CSGALNACT1: variants seen among roughly 807,000 people sequenced by gnomAD.
CSGALNACT1 encodes the protein chondroitin sulfate N-acetylgalactosaminyltransferase 1.
Under a neutral mutation model 51.0 loss-of-function variants are expected in CSGALNACT1, and 52 were observed. The ratio of observed to expected loss-of-function variants is 1.02; its 90% CI spans 0.82 to 1.29. The LOEUF is 1.29. Ranked by LOEUF, CSGALNACT1 falls within the 50% of genes most tolerant of loss-of-function variation. The pLI is 0.00. For missense variants in CSGALNACT1, 935 were observed against 679.2 expected, an observed-to-expected ratio of 1.38 and a Z score of -4.19; for synonymous variants, 341 against 254.4, an observed-to-expected ratio of 1.34 and a Z score of -3.24.
intron 3 of CSGALNACT1, among the ~76,000 whole-genome samples, chr8:19,512,672 C>T (rs759571069): frequency 1.8e-4 from 27 of 152,096 alleles, no homozygotes; most frequent in Admixed American, 7.9e-4. Flanking sequence ...AGAAGTTATG[C>T]GACTTGTCTA....
chr8:19,428,959 T>C (rs1045066107), intron 6 of CSGALNACT1, among the ~76,000 whole-genome samples: 33 of 152,062 alleles, frequency 2.2e-4, no homozygotes, highest in African/African-American at 7.7e-4. Context: ...TAAATCAGTG[T>C]CATTTAGTAC....
chr8:19,476,462 G>C (rs2069674293), intron 4 of CSGALNACT1, among the ~76,000 whole-genome samples: 1 of 152,100 alleles, frequency 6.6e-6, no homozygotes. Flanking sequence ...AGCTGGTCTG[G>C]AACTCCTGAC....
At chr8:19,747,690 A>C (rs751801019) in intron 1 of CSGALNACT1, among the ~76,000 whole-genome samples, 17 of 152,280 alleles carry the variant, frequency 1.1e-4, no homozygotes, top group Non-Finnish European at 2.4e-4. Flanking sequence ...CATTTGATTA[A>C]ATTCCTACTT....
chr8:19,556,377 C>A (rs1420137721), intron 3 of CSGALNACT1, among the ~76,000 whole-genome samples: 1 of 130,442 alleles, frequency 7.7e-6, no homozygotes, highest in Non-Finnish European at 1.6e-5. Flanking sequence ...AACTCCATCT[C>A]TCAAAAGAAA....
intron 4 of CSGALNACT1, among the ~76,000 whole-genome samples, chr8:19,489,742 A>G (rs2073939964): frequency 6.6e-6 from 1 of 152,178 alleles, no homozygotes; most frequent in South Asian, 2.1e-4. Flanking sequence ...TGTCTTCACG[A>G]TGACATCTTT....
intron 1 of CSGALNACT1, among the ~76,000 whole-genome samples, chr8:19,649,612 C>T (rs952228495): frequency 6.6e-6 from 1 of 151,782 alleles, no homozygotes; most frequent in African/African-American, 2.4e-5. Context: ...ACAGAATTCA[C>T]AGTTACGAAT....
rs528746956 is a variant in CSGALNACT1 at position 19,424,741 on chromosome 8, C to A, written c.954-4223G>T. Among the ~76,000 whole-genome samples, 4 of 152,332 alleles carry A rather than the reference C, an allele frequency of 2.6e-5. 1 individual carries two copies. The East Asian group carries it at 5.8e-4, about 22-fold the overall frequency. ...CTAGACTAGAGTGCCCCCTGCTCAA[C>A]AGTGGATTGAAAGGCAGCAGAACCA... On this transcript the variant is annotated intron_variant, in intron 6 of 9. Coordinates refer to ENST00000454498, the Ensembl canonical transcript of CSGALNACT1.
intron 1 of CSGALNACT1, among the ~76,000 whole-genome samples, chr8:19,667,036 G>GAA (rs1564386834): frequency 1.8e-4 from 5 of 28,488 alleles, no homozygotes; most frequent in African/African-American, 8.3e-4. Context: ...AGGAAGGAAG[G>GAA]AAGGAAGAAA....
At chr8:19,661,781 C>G (rs2058757953) in intron 1 of CSGALNACT1, among the ~76,000 whole-genome samples, 2 of 152,188 alleles carry the variant, frequency 1.3e-5, no homozygotes, top group South Asian at 4.1e-4. Context: ...AAGCTGCTTA[C>G]AGATGTGCCA....
At chr8:19,511,373 G>A (rs549270613) in intron 3 of CSGALNACT1, among the ~76,000 whole-genome samples, 36 of 152,292 alleles carry the variant, frequency 2.4e-4, no homozygotes, top group South Asian at 4.2e-4. Context: ...TTGACAGCAA[G>A]GGCACAAACT....
At chr8:19,472,452 T>C (rs77442565) in intron 4 of CSGALNACT1, among the ~76,000 whole-genome samples, 19,695 of 152,286 alleles carry the variant, frequency 0.13, 1,347 homozygotes, top group Middle Eastern at 0.21. Context: ...TCACTCTGAC[T>C]CACGTCCATT....
At chr8:19,737,413 T>A (rs1348788747) in intron 1 of CSGALNACT1, among the ~76,000 whole-genome samples, 1 of 152,074 alleles carries the variant, frequency 6.6e-6, no homozygotes, top group Non-Finnish European at 1.5e-5. Flanking sequence ...AAGGCAAAAA[T>A]ACTAAACAGG....
chr8:19,526,458 C>T (rs889967234), intron 3 of CSGALNACT1, among the ~76,000 whole-genome samples: 1 of 152,128 alleles, frequency 6.6e-6, no homozygotes, highest in Non-Finnish European at 1.5e-5. Flanking sequence ...TGGTACGCGC[C>T]TGTAGTGCCA....
At chr8:19,645,567 AG>A (rs1296204864) in intron 1 of CSGALNACT1, among the ~76,000 whole-genome samples, 1 of 152,216 alleles carries the variant, frequency 6.6e-6, no homozygotes, top group Non-Finnish European at 1.5e-5. Context: ...GGAACCTCGA[AG>A]GGTGGGCGTA....
At chr8:19,663,881 G>T (rs541103206) in intron 1 of CSGALNACT1, among the ~76,000 whole-genome samples, 62 of 152,194 alleles carry the variant, frequency 4.1e-4, no homozygotes, top group Non-Finnish European at 7.3e-4. Context: ...GTCCCAACAT[G>T]ACCTTCAGAT....
intron 4 of CSGALNACT1, among the ~76,000 whole-genome samples, chr8:19,482,750 T>A (rs771638755): frequency 1.3e-5 from 2 of 152,142 alleles, no homozygotes; most frequent in African/African-American, 4.8e-5. Flanking sequence ...CTCATCCATC[T>A]CCACAGTTTA....
intron 1 of CSGALNACT1, among the ~76,000 whole-genome samples, chr8:19,663,859 A>G (rs958430281): frequency 7.9e-5 from 12 of 152,214 alleles, no homozygotes; most frequent in Non-Finnish European, 1.3e-4. Flanking sequence ...TCTCCTCTTC[A>G]TGTTTGATAT....
At chr8:19,487,406 T>C (rs1442397551) in intron 4 of CSGALNACT1, among the ~76,000 whole-genome samples, 2 of 152,180 alleles carry the variant, frequency 1.3e-5, no homozygotes, top group Non-Finnish European at 2.9e-5. Flanking sequence ...CCAGTGTCCA[T>C]GACAGGGAGG....
intron 3 of CSGALNACT1, among the ~76,000 whole-genome samples, chr8:19,514,777 G>A (rs1406097598): frequency 6.6e-6 from 1 of 151,546 alleles, no homozygotes; most frequent in East Asian, 1.9e-4. Flanking sequence ...AGGTTGCAGT[G>A]AGCTGAGATC....
Sources: allele counts gnomAD v4.1 joint callset (sites outside exome capture counted in the v4.1 genomes callset), GRCh38; gene constraint gnomAD v4.1.1; transcripts MANE v1.5; gene names NCBI Gene and HGNC (gene_info 2026-07-23, HGNC 2026-07-21).